TTC12: variants seen among roughly 807,000 people sequenced by gnomAD.
The protein encoded by TTC12 is tetratricopeptide repeat protein 12.
In TTC12, 70 loss-of-function variants were observed where a neutral mutation model predicts 90.1. The ratio of observed to expected loss-of-function variants is 0.78; its 90% confidence interval spans 0.64 to 0.95. TTC12 has a LOEUF of 0.95. TTC12 is among the 40% of genes least tolerant of loss of function. TTC12 has a pLI of 0.00. For missense variants in TTC12, 819 were observed against 846.1 expected (o/e 0.97, Z 0.40); for synonymous variants, 296 against 311.5 (o/e 0.95, Z 0.53).
chr11:113,335,368 C>G (rs1403494583), intron 8 of TTC12, among the ~76,000 whole-genome samples: 1 of 152,158 alleles, frequency 6.6e-6, no homozygotes, highest in Non-Finnish European at 1.5e-5. Context: ...TGTCTATCTA[C>G]CTATTTATCC....
intron 11 of TTC12, 82 bp downstream of exon 11, chr11:113,340,815 G>A: frequency 8.3e-7 from 1 of 1,212,020 alleles, no homozygotes; most frequent in Non-Finnish European, 1.2e-6. Flanking sequence ...GAGGCACATA[G>A]ACAGTCACGT....
At chr11:113,336,154 A>AT (rs1948359593) in intron 8 of TTC12, among the ~76,000 whole-genome samples, 1 of 151,998 alleles carries the variant, frequency 6.6e-6, no homozygotes, top group African/African-American at 2.4e-5. Context: ...TTTGATCTGC[A>AT]TTTTTTTGGT....
At chr11:113,351,530 G>T (rs1949294272) in intron 15 of TTC12, among the ~76,000 whole-genome samples, 1 of 152,164 alleles carries the variant, frequency 6.6e-6, no homozygotes, top group Non-Finnish European at 1.5e-5. Context: ...GGATATGGGT[G>T]GCATCTTAAG....
rs78397041 is a variant in TTC12, at chr11:113,363,856, C to A, written c.1745C>A (p.Ala582Asp). ...GGAGGTGAGACTGCATCACGTTATG[C>A]TATAAAGATACTAGCTATCTGCACG... ...KTGGETASRY[A>D]IKILAICTNS... The change falls in exon 20 of 22, where the codon GCT becomes GAT. Residue 582 changes from alanine to aspartate, a missense_variant. Transcript: ENST00000529221. The A allele has an allele frequency of 6.2e-5, 100 of 1,613,310 alleles. No homozygotes were observed. Among genetic ancestry groups the A allele is most frequent in the African/African-American group, 8.0e-5 (6 of 75,042 alleles).
Position 113,344,297 on chromosome 11 carries a change from A to G in TTC12, c.1011A>G (p.Ile337Met), listed in dbSNP as rs915580912. The G allele has an allele frequency of 1.2e-6, 2 of 1,613,786 alleles. No individual in the cohort carries two copies. Among genetic ancestry groups the G allele is most frequent in the African/African-American group, 2.7e-5 (2 of 74,934 alleles). Residue 337 changes from isoleucine (I) to methionine (M), a missense_variant, in exon 13 of 22, where the codon ATA (isoleucine) becomes ATG (methionine). Coordinates refer to ENST00000529221, the MANE Select transcript of TTC12 (RefSeq NM_017868.4). ...RNEENQRVLVIHHDRARLLAA... is the reference protein window; with the variant it reads ...RNEENQRVLVMHHDRARLLAA... ...AGGAAAACCAGCGTGTGCTAGTGAT[A>G]CACCATGACAGGGCCAGGCTGTTGG...
intron 2 of TTC12, among the ~76,000 whole-genome samples, chr11:113,319,944 A>G (rs1190296319): frequency 1.3e-5 from 2 of 152,224 alleles, no homozygotes; most frequent in African/African-American, 4.8e-5. Flanking sequence ...TAAAACTTTT[A>G]TAAGACACCA....
At chr11:113,315,878 T>C (rs1946904017) in intron 1 of TTC12, 4 of 166,064 alleles carry the variant, frequency 2.4e-5, no homozygotes, top group African/African-American at 4.7e-5. Flanking sequence ...CCTGTCATGA[T>C]CAAAGTCAGG....
chr11:113,342,041 C>A, intron 12 of TTC12, 116 bp downstream of exon 12: 2 of 827,694 alleles, frequency 2.4e-6, no homozygotes, highest in East Asian at 2.5e-5. Flanking sequence ...TCTAGACTTC[C>A]GCACACACCC....
At chr11:113,355,310 CCT>C (rs1949567511) in intron 16 of TTC12, among the ~76,000 whole-genome samples, 1 of 151,902 alleles carries the variant, frequency 6.6e-6, no homozygotes, top group South Asian at 2.1e-4. Flanking sequence ...TGATATCCCC[CCT>C]GTTGTTTCTG....
intron 16 of TTC12, among the ~76,000 whole-genome samples, chr11:113,357,712 C>T (rs1174329554): frequency 6.6e-6 from 1 of 152,094 alleles, no homozygotes; most frequent in East Asian, 1.9e-4. Flanking sequence ...TATTCAGCTC[C>T]CAACTTCTGG....
chr11:113,319,846 C>G (rs1947188035), intron 2 of TTC12, among the ~76,000 whole-genome samples: 1 of 152,198 alleles, frequency 6.6e-6, no homozygotes, highest in Non-Finnish European at 1.5e-5. Context: ...AGACACATTG[C>G]TGGCAGGGAC....
rs891179405 is a variant in TTC12 at position 113,338,711 on chromosome 11, A to G, written c.577-63A>G. 108 of 1,314,946 alleles carry G rather than the reference A, an allele frequency of 8.2e-5. 1 individual carries two copies. Among genetic ancestry groups the G allele is most frequent in the Non-Finnish European group, 1.1e-4 (99 of 915,280 alleles). 81.5% of individuals were successfully genotyped at this position (1,314,946 alleles called of 1,614,324 possible). A position where few individuals can be genotyped will look rare whatever the true frequency, so the allele number is the denominator to read the frequency against. ...GAAGCAGCCAAGCCCAATGACACCCAGTGTCTTTCTCATAATCACCTTTAC... is the reference window on the plus strand; with the variant it reads ...GAAGCAGCCAAGCCCAATGACACCCGGTGTCTTTCTCATAATCACCTTTAC... On this transcript the variant is annotated intron_variant, in intron 8 of 21. Transcript: ENST00000529221.
chr11:113,342,879 C>T (rs1555146650), intron 12 of TTC12, among the ~76,000 whole-genome samples: 3 of 152,094 alleles, frequency 2.0e-5, no homozygotes, highest in Non-Finnish European at 4.4e-5. Context: ...TACAGGAGGG[C>T]GAGGAAGGCA....
At chr11:113,341,028 G>A (rs911829507) in intron 11 of TTC12, among the ~76,000 whole-genome samples, 2 of 152,122 alleles carry the variant, frequency 1.3e-5, no homozygotes, top group Non-Finnish European at 2.9e-5. Context: ...TCAGGAGTTT[G>A]AGACCAGCCT....
intron 6 of TTC12, among the ~76,000 whole-genome samples, chr11:113,326,681 G>T (rs148695449): frequency 6.6e-5 from 10 of 152,334 alleles, no homozygotes; most frequent in African/African-American, 2.4e-4. Context: ...TTAGACTAGA[G>T]TTGAAGTGTC....
At chr11:113,370,226 A>G (rs1300552699), downstream of TTC12, among the ~76,000 whole-genome samples, 1 of 152,196 alleles carries the variant, frequency 6.6e-6, no homozygotes, top group African/African-American at 2.4e-5. Flanking sequence ...TTGCAAACAG[A>G]TACTCCTCTG....
rs532634981 is a variant in TTC12, at chr11:113,363,554, C to G, written c.1717-274C>G. ...ATCAGCATCATTCTCTTCTCAGCCACTTGCTCATAAAGCCTTCCGGAGGCA... is the reference window on the plus strand; with the variant it reads ...ATCAGCATCATTCTCTTCTCAGCCAGTTGCTCATAAAGCCTTCCGGAGGCA... On this transcript the variant is annotated intron_variant, in intron 19 of 21. Coordinates refer to ENST00000529221, the MANE Select transcript of TTC12 (RefSeq NM_017868.4). 2.6e-5 allele frequency among the ~76,000 whole-genome samples: 4 copies of G among 152,334 alleles called. No homozygotes were observed. In the South Asian group the frequency reaches 8.3e-4, roughly 32 times the overall value.
In TTC12 at chr11:113,339,446, T is replaced by A; in HGVS notation, c.798T>A (p.Ile266=). 6.2e-7 allele frequency: 1 copy of A among 1,610,348 alleles called. No individual in the cohort carries two copies. The highest frequency in any genetic ancestry group is 2.2e-5 in the East Asian group (1 of 44,802). Residue 266 remains isoleucine, a synonymous_variant, in exon 10 of 22, where the codon ATT becomes ATA. Transcript: ENST00000529221. Reference sequence around the variant, plus strand: ...TCCCCTTGTTCTATGCTGGGGGGATTGAGATCCTGACTGAAATGATAAATG... The same window carrying A: ...TCCCCTTGTTCTATGCTGGGGGGATAGAGATCCTGACTGAAATGATAAATG... The part of the protein sequence containing the change: ...DQIPLFYAGG[I]EILTEMINEC...
Position 113,339,583 on chromosome 11 carries a change from G to A in TTC12, c.826+109G>A, listed in dbSNP as rs1948571474. The A allele has an allele frequency of 4.8e-6, 5 of 1,035,406 alleles. No individual in the cohort carries two copies. The South Asian group carries it at 8.7e-5, about 18-fold the overall frequency. 64.1% of individuals were successfully genotyped at this position (1,035,406 alleles called of 1,614,324 possible). On this transcript the variant is annotated intron_variant, in intron 10 of 21. Transcript: ENST00000529221. ...TCCCTCCCTTCCTTCCACAAATATT[G>A]ATTAAAGATATACGCTAATGTAGCT...
Sources: gnomAD v4.1 joint callset for allele counts (sites outside exome capture counted in the v4.1 genomes callset) on GRCh38, gnomAD v4.1.1 for gene constraint, MANE v1.5 for transcripts, NCBI Gene and HGNC (gene_info 2026-07-23, HGNC 2026-07-21) for gene names.